The following NSUN6 variants were observed in gnomAD, a reference collection of about 807,000 sequenced individuals.
The protein encoded by NSUN6 is tRNA (cytosine(72)-C(5))-methyltransferase NSUN6.
In NSUN6, 64 loss-of-function variants were observed where a neutral mutation model predicts 58.0. The ratio of observed to expected loss-of-function variants is 1.10; its 90% CI spans 0.90 to 1.36. The LOEUF (loss-of-function observed/expected upper bound fraction) is 1.36. Among genes scored for constraint, NSUN6 ranks in the 40% most tolerant of loss-of-function variants. NSUN6 has a pLI of 0.00. For synonymous variants in NSUN6, 231 were observed against 193.9 expected (o/e 1.19, Z -1.59); for missense variants, 701 against 550.1 (o/e 1.27, Z -2.74).
At chr10:18,557,779 G>A (rs1023190628) in intron 8 of NSUN6, among the ~76,000 whole-genome samples, 2 of 151,470 alleles carry the variant, frequency 1.3e-5, no homozygotes, top group Non-Finnish European at 2.9e-5. Context: ...GAATGGAACA[G>A]AATGGAATGG....
chr10:18,604,576 T>A (rs560066536), intron 6 of NSUN6, among the ~76,000 whole-genome samples: 6 of 152,048 alleles, frequency 3.9e-5, no homozygotes, highest in African/African-American at 1.4e-4. Context: ...AGATTTTTAT[T>A]ATATTTGTAC....
chr10:18,584,605 A>T (rs1426957688), intron 8 of NSUN6, among the ~76,000 whole-genome samples: 1 of 152,220 alleles, frequency 6.6e-6, no homozygotes, highest in African/African-American at 2.4e-5. Context: ...AAGCAAGAAA[A>T]AAAGGTAATA....
intron 3 of NSUN6, among the ~76,000 whole-genome samples, chr10:18,642,088 A>G (rs776984036): frequency 9.8e-5 from 15 of 152,302 alleles, no homozygotes; most frequent in Admixed American, 8.5e-4. Flanking sequence ...TTTTACAAAC[A>G]TATCAGCTAT....
At chr10:18,628,896 A>G (rs1184635897) in intron 3 of NSUN6, among the ~76,000 whole-genome samples, 1 of 152,164 alleles carries the variant, frequency 6.6e-6, no homozygotes, top group Non-Finnish European at 1.5e-5. Context: ...TTCAGGAAAT[A>G]CAGAGAACGC....
chr10:18,559,678 T>C (rs1320260502), intron 8 of NSUN6, among the ~76,000 whole-genome samples: 1 of 147,056 alleles, frequency 6.8e-6, no homozygotes, highest in Non-Finnish European at 1.5e-5. Flanking sequence ...GAATGTGAAA[T>C]GTAATGCATT....
intron 6 of NSUN6, among the ~76,000 whole-genome samples, chr10:18,601,160 G>A (rs1244679103): frequency 6.6e-6 from 1 of 151,248 alleles, no homozygotes; most frequent in African/African-American, 2.4e-5. Flanking sequence ...GCAGGCTTGA[G>A]ATAATATATA....
chr10:18,616,676 T>A (rs2058422063), intron 3 of NSUN6, among the ~76,000 whole-genome samples: 1 of 152,238 alleles, frequency 6.6e-6, no homozygotes, highest in Non-Finnish European at 1.5e-5. Context: ...AATTGTTGCA[T>A]GGTAAATTAT....
chr10:18,578,872 CAT>C lies in NSUN6; in HGVS notation c.922+7075_922+7076del, dbSNP rs139523671. Among the ~76,000 whole-genome samples the C allele has an allele frequency of 2.0e-3, 301 of 152,326 alleles. 3 individuals carry two copies. The highest frequency in any genetic ancestry group is 6.9e-3 in the African/African-American group (285 of 41,574). On this transcript the variant is annotated intron_variant, in intron 8 of 10. Coordinates refer to ENST00000377304, the MANE Select transcript of NSUN6 (RefSeq NM_182543.5). ...GCATTTCAGCGCACTCACCCTCAATCATATGTCTTACATAGGACACATCTGTA... is the reference window on the plus strand; with the variant it reads ...GCATTTCAGCGCACTCACCCTCAATCATGTCTTACATAGGACACATCTGTA...
In NSUN6 at chr10:18,623,373, G is replaced by C. The variant is rs140720082; in HGVS notation, c.312-7080C>G. ...GGGGAAAAGAATAAAAATCTGAGGA[G>C]AAAATTCCATTTGCAATAAAACTAA... On this transcript the variant is annotated intron_variant, in intron 3 of 10. Transcript: ENST00000377304. Among the ~76,000 whole-genome samples, 287 of 152,260 alleles carry C rather than the reference G, an allele frequency of 1.9e-3. 2 individuals carry two copies. The highest frequency in any genetic ancestry group is 1.7e-3 in the Non-Finnish European group (114 of 68,024).
intron 3 of NSUN6, among the ~76,000 whole-genome samples, chr10:18,625,391 A>G (rs1564818546): frequency 1.3e-5 from 2 of 152,156 alleles, no homozygotes; most frequent in South Asian, 4.1e-4. Flanking sequence ...TATATAACTG[A>G]AAAGCTACAC....
At chr10:18,644,975 C>A (rs908979875) in intron 2 of NSUN6, among the ~76,000 whole-genome samples, 1 of 151,520 alleles carries the variant, frequency 6.6e-6, no homozygotes, top group African/African-American at 2.4e-5. Context: ...CTGGCCAACA[C>A]AGTGAAACCC....
At chr10:18,554,842 G>T (rs927893307) in intron 8 of NSUN6, among the ~76,000 whole-genome samples, 1 of 151,790 alleles carries the variant, frequency 6.6e-6, no homozygotes, top group African/African-American at 2.4e-5. Context: ...AAACGGCATG[G>T]AATGGAATGG....
chr10:18,568,859 C>G (rs893019845), intron 8 of NSUN6, among the ~76,000 whole-genome samples: 1 of 124,176 alleles, frequency 8.1e-6, no homozygotes, highest in African/African-American at 3.0e-5. Flanking sequence ...CATTCAATTC[C>G]TTTCTATTCT....
intron 8 of NSUN6, among the ~76,000 whole-genome samples, chr10:18,583,983 T>A (rs565885505): frequency 6.6e-6 from 1 of 152,154 alleles, no homozygotes; most frequent in African/African-American, 2.4e-5. Flanking sequence ...TCACCAGACA[T>A]ACCCTGCAGG....
At chr10:18,570,735 TCATTCCATTCTCCATTC>T (rs2056308374) in intron 8 of NSUN6, among the ~76,000 whole-genome samples, 1 of 128,268 alleles carries the variant, frequency 7.8e-6, no homozygotes, top group Non-Finnish European at 1.7e-5. Context: ...CCACTCCATT[TCATTCCATTCTCCATTC>T]CATTCTCCAT....
chr10:18,591,768 A>G (rs937133371), intron 7 of NSUN6, among the ~76,000 whole-genome samples: 4 of 152,208 alleles, frequency 2.6e-5, no homozygotes, highest in Non-Finnish European at 5.9e-5. Flanking sequence ...ATCATACCGA[A>G]TGGGCAAAAG....
intron 8 of NSUN6, among the ~76,000 whole-genome samples, chr10:18,572,202 CCATTT>C (rs1384816575): frequency 6.7e-6 from 1 of 149,784 alleles, no homozygotes; most frequent in Non-Finnish European, 1.5e-5. Flanking sequence ...CTATTCCATT[CCATTT>C]CAATTCATTG....
At chr10:18,572,302 C>G (rs934676919) in intron 8 of NSUN6, among the ~76,000 whole-genome samples, 3 of 151,254 alleles carry the variant, frequency 2.0e-5, no homozygotes, top group African/African-American at 7.3e-5. Flanking sequence ...TCATTCCACT[C>G]TCCCTTCCAG....
chr10:18,567,906 GCATTCCATTCCATTTTCCATTCCATTCTC>G (rs2056083543), intron 8 of NSUN6, among the ~76,000 whole-genome samples: 1 of 139,278 alleles, frequency 7.2e-6, no homozygotes, highest in Admixed American at 7.2e-5. Context: ...ATTCACCACT[GCATTCCATTCCATTTTCCATTCCATTCTC>G]CATTCCATTC....
Sources: allele counts gnomAD v4.1 joint callset (sites outside exome capture counted in the v4.1 genomes callset), GRCh38; gene constraint gnomAD v4.1.1; transcripts MANE v1.5; gene names NCBI Gene and HGNC (gene_info 2026-07-23, HGNC 2026-07-21).